CAMKMT: variants seen among roughly 807,000 people sequenced by gnomAD.
CAMKMT encodes calmodulin-lysine N-methyltransferase.
A neutral mutation model predicts 48.0 loss-of-function variants in CAMKMT; 53 were observed. That is an observed-to-expected ratio of 1.10 (90% CI 0.89 to 1.39). The LOEUF is 1.39. CAMKMT is among the 40% of genes most tolerant of loss of function. The probability of loss-of-function intolerance (pLI) is 0.00; values close to 1 mark genes in which losing one functional copy is unlikely to be tolerated. For missense variants in CAMKMT, 428 were observed against 402.7 expected, an observed-to-expected ratio of 1.06 and a Z score of -0.54; for synonymous variants, 165 against 152.3, an observed-to-expected ratio of 1.08 and a Z score of -0.61.
At chr2:44,589,013 G>A (rs1356728448) in intron 3 of CAMKMT, among the ~76,000 whole-genome samples, 1 of 4,722 alleles carries the variant, frequency 2.1e-4, no homozygotes, top group African/African-American at 9.7e-4. Context: ...AGGTGGGGGG[G>A]TCAGCCCCCC....
chr2:44,377,434 A>G (rs1167979454), intron 2 of CAMKMT, among the ~76,000 whole-genome samples: 2 of 152,180 alleles, frequency 1.3e-5, no homozygotes, highest in Non-Finnish European at 2.9e-5. Flanking sequence ...CCTTTTCCCT[A>G]TCTCATAAAC....
intron 1 of CAMKMT, among the ~76,000 whole-genome samples, chr2:44,364,011 C>CCT (rs1678326410): frequency 3.5e-5 from 3 of 85,690 alleles, no homozygotes; most frequent in African/African-American, 4.8e-5. Context: ...CCCACCCTTC[C>CCT]TTTTTTTTTT....
intron 2 of CAMKMT, among the ~76,000 whole-genome samples, chr2:44,376,736 C>G (rs1679735916): frequency 6.6e-6 from 1 of 152,074 alleles, no homozygotes; most frequent in Admixed American, 6.6e-5. Flanking sequence ...AAGCAGTGAC[C>G]TTAAAAACTT....
At chr2:44,757,538 T>C (rs1278820489) in intron 9 of CAMKMT, among the ~76,000 whole-genome samples, 1 of 151,860 alleles carries the variant, frequency 6.6e-6, no homozygotes, top group Non-Finnish European at 1.5e-5. Context: ...CTAGCTCTGG[T>C]TACTTTGGTA....
chr2:44,749,928 G>A (rs1680083554), intron 8 of CAMKMT, among the ~76,000 whole-genome samples: 1 of 152,144 alleles, frequency 6.6e-6, no homozygotes, highest in Non-Finnish European at 1.5e-5. Flanking sequence ...GGTCTGACCT[G>A]CAGCATTAGA....
intron 3 of CAMKMT, among the ~76,000 whole-genome samples, chr2:44,655,617 G>T (rs986886473): frequency 1.3e-5 from 2 of 152,138 alleles, no homozygotes; most frequent in African/African-American, 4.8e-5. Context: ...ACGCAAATGA[G>T]AATATGATTA....
chr2:44,424,875 T>C (rs1180535581), intron 3 of CAMKMT, among the ~76,000 whole-genome samples: 1 of 152,160 alleles, frequency 6.6e-6, no homozygotes, highest in Non-Finnish European at 1.5e-5. Context: ...AACTTACTCA[T>C]GTAACCAAAC....
intron 3 of CAMKMT, chr2:44,549,576 C>T: frequency 1.4e-6 from 1 of 693,268 alleles, no homozygotes. Flanking sequence ...CACTCTGTTG[C>T]CCAGGCTGGA....
intron 3 of CAMKMT, among the ~76,000 whole-genome samples, chr2:44,442,250 C>T (rs570935335): frequency 2.6e-5 from 4 of 152,086 alleles, no homozygotes; most frequent in Admixed American, 2.0e-4. Flanking sequence ...ATCTGTGGCT[C>T]TAGTGGAGAG....
intron 3 of CAMKMT, among the ~76,000 whole-genome samples, chr2:44,554,317 C>G (rs1412066099): frequency 6.6e-6 from 1 of 152,240 alleles, no homozygotes; most frequent in Non-Finnish European, 1.5e-5. Flanking sequence ...AGAAATCTTC[C>G]TAGTAACCCA....
intron 3 of CAMKMT, among the ~76,000 whole-genome samples, chr2:44,428,767 A>G (rs1684445637): frequency 6.6e-6 from 1 of 152,178 alleles, no homozygotes; most frequent in South Asian, 2.1e-4. Context: ...AGTCACGTTA[A>G]CCATAATAAC....
At chr2:44,466,174 A>G (rs1247042795) in intron 3 of CAMKMT, among the ~76,000 whole-genome samples, 2 of 152,346 alleles carry the variant, frequency 1.3e-5, no homozygotes, top group South Asian at 2.1e-4. Context: ...TTATAGTCCA[A>G]TTGGATCTAA....
intron 3 of CAMKMT, among the ~76,000 whole-genome samples, chr2:44,527,374 TAC>T (rs1450783752): frequency 7.0e-6 from 1 of 143,708 alleles, no homozygotes; most frequent in Non-Finnish European, 1.5e-5. Context: ...CGTATATACA[TAC>T]ATATAATATA....
In CAMKMT at chr2:44,508,463, C is replaced by T. The variant is rs565953576; in HGVS notation, c.376+118158C>T. Reference sequence around the variant, plus strand: ...TCCCCACTACAGTGTTTAAAAATTCCGAGCTTTCATGCACAATGAAAGCAT... The same window carrying T: ...TCCCCACTACAGTGTTTAAAAATTCTGAGCTTTCATGCACAATGAAAGCAT... On this transcript the variant is annotated intron_variant, in intron 3 of 10. Coordinates refer to ENST00000378494, the MANE Select transcript of CAMKMT (RefSeq NM_024766.5). Among the ~76,000 whole-genome samples, 543 of 152,196 alleles carry T rather than the reference C, an allele frequency of 3.6e-3. 2 individuals are homozygous for T. The highest frequency in any genetic ancestry group is 0.012 in the African/African-American group (518 of 41,530).
At chr2:44,369,797 C>G (rs942966374) in intron 1 of CAMKMT, 75 of 152,200 alleles carry the variant, frequency 4.9e-4, no homozygotes, top group African/African-American at 1.7e-3. Flanking sequence ...ACTGGAACCT[C>G]TGTTAAAGCT....
intron 3 of CAMKMT, among the ~76,000 whole-genome samples, chr2:44,601,463 AT>A (rs1381200624): frequency 1.3e-5 from 2 of 152,080 alleles, no homozygotes; most frequent in African/African-American, 2.4e-5. Flanking sequence ...TCTCAAAAAA[AT>A]AATGATAATT....
At chr2:44,552,919 A>T (rs1457485537) in intron 3 of CAMKMT, among the ~76,000 whole-genome samples, 2 of 152,194 alleles carry the variant, frequency 1.3e-5, no homozygotes, top group African/African-American at 4.8e-5. Flanking sequence ...AATAATTTTA[A>T]AAGAAAGAGA....
chr2:44,535,266 A>G (rs111241332), intron 3 of CAMKMT, among the ~76,000 whole-genome samples: 5,621 of 152,264 alleles, frequency 0.037, 331 homozygotes, highest in African/African-American at 0.12. Context: ...GTCTCCCAAC[A>G]AAGAAAAGCC....
chr2:44,720,073 T>G (rs1252770399), intron 7 of CAMKMT, among the ~76,000 whole-genome samples: 2 of 152,196 alleles, frequency 1.3e-5, no homozygotes, highest in African/African-American at 2.4e-5. Flanking sequence ...TTAACAGGTT[T>G]ATAGATGGGC....
Sources: allele counts gnomAD v4.1 joint callset (sites outside exome capture counted in the v4.1 genomes callset), GRCh38; gene constraint gnomAD v4.1.1; transcripts MANE v1.5; gene names NCBI Gene and HGNC (gene_info 2026-07-23, HGNC 2026-07-21).